The following PTGFRN variants were observed in gnomAD, a reference collection of about 807,000 sequenced individuals.
The protein encoded by PTGFRN is prostaglandin F2 receptor negative regulator.
PTGFRN carries 35 observed loss-of-function variants against 83.2 expected under a neutral mutation model. That is an observed-to-expected ratio of 0.42 (90% CI 0.32 to 0.56). PTGFRN has a LOEUF of 0.56. PTGFRN is among the 20% of genes least tolerant of loss of function. PTGFRN has a pLI of 0.11. For missense variants in PTGFRN, 1,051 were observed against 1,179.5 expected, an observed-to-expected ratio of 0.89 and a Z score of 1.60; for synonymous variants, 519 against 498.6, an observed-to-expected ratio of 1.04 and a Z score of -0.55.
At chr1:116,939,061 A>G (rs1416742650) in intron 1 of PTGFRN, among the ~76,000 whole-genome samples, 1 of 152,220 alleles carries the variant, frequency 6.6e-6, no homozygotes, top group Non-Finnish European at 1.5e-5. Flanking sequence ...TTTGCAGGGT[A>G]CTGCCTCCCT....
chr1:116,963,006 G>A (rs1417617342), intron 5 of PTGFRN, among the ~76,000 whole-genome samples: 1 of 152,134 alleles, frequency 6.6e-6, no homozygotes, highest in African/African-American at 2.4e-5. Context: ...TTCCCAGTCA[G>A]TTTTAATCAC....
intron 1 of PTGFRN, among the ~76,000 whole-genome samples, chr1:116,924,143 A>ATTTT (rs147663868): frequency 1.0e-3 from 116 of 116,120 alleles, no homozygotes; most frequent in African/African-American, 2.5e-3. Context: ...CTGTGCATGT[A>ATTTT]TTTTTTTTTT....
At chr1:116,913,322 T>C (rs566609733) in intron 1 of PTGFRN, among the ~76,000 whole-genome samples, 1 of 152,050 alleles carries the variant, frequency 6.6e-6, no homozygotes, top group South Asian at 2.1e-4. Flanking sequence ...TTCTGGGCTC[T>C]GGGGAAAAGC....
intron 1 of PTGFRN, among the ~76,000 whole-genome samples, chr1:116,914,706 A>G (rs1449174134): frequency 6.6e-6 from 1 of 151,784 alleles, no homozygotes; most frequent in Non-Finnish European, 1.5e-5. Flanking sequence ...GGGGACCGTG[A>G]TCGCACCACT....
At chr1:116,944,648 G>A (rs56209138) in intron 2 of PTGFRN, 31 bp from the exon 3 acceptor site, 338,854 of 1,385,664 alleles carry the variant, frequency 0.24, 43,337 homozygotes, top group East Asian at 0.5. Context: ...CGGTGTGGAC[G>A]GGCTACTGAC....
intron 6 of PTGFRN, among the ~76,000 whole-genome samples, chr1:116,970,238 A>G (rs1650951152): frequency 6.6e-6 from 1 of 152,086 alleles, no homozygotes; most frequent in Admixed American, 6.5e-5. Context: ...TGGGATTTTC[A>G]TAGATGCCCT....
chr1:116,910,624 C>G (rs1372607448), intron 1 of PTGFRN, among the ~76,000 whole-genome samples: 3 of 151,966 alleles, frequency 2.0e-5, no homozygotes, highest in Non-Finnish European at 4.4e-5. Flanking sequence ...GGTCCCGGCC[C>G]GGGTCCTCGG....
At chr1:116,939,923 CAA>C (rs1314840671) in intron 1 of PTGFRN, among the ~76,000 whole-genome samples, 2 of 152,196 alleles carry the variant, frequency 1.3e-5, no homozygotes, top group Admixed American at 6.5e-5. Context: ...TAAAACATAA[CAA>C]GAGTCACCTT....
chr1:116,965,474 G>A (rs1650797760), intron 5 of PTGFRN, among the ~76,000 whole-genome samples: 1 of 151,904 alleles, frequency 6.6e-6, no homozygotes, highest in Non-Finnish European at 1.5e-5. Context: ...TTAGAGGCAC[G>A]GGGTTTTGCT....
rs1165368905 is a variant in PTGFRN at position 116,989,546 on chromosome 1, G to A, written c.*2579G>A. ...GAGAGACCCAGCCGCGTCTCACACA[G>A]GTGGAATTGCACTTCTTAACAAAAA... On this transcript the variant is annotated 3_prime_UTR_variant, in exon 9 of 9. Transcript: ENST00000393203. 1 of 152,542 alleles carries A rather than the reference G, an allele frequency of 6.6e-6. No homozygotes were observed. Among genetic ancestry groups the A allele is most frequent in the Non-Finnish European group, 1.5e-5 (1 of 68,032 alleles). 9.4% of individuals were successfully genotyped at this position (152,542 alleles called of 1,614,324 possible).
Position 116,967,192 on chromosome 1 carries a change from C to T in PTGFRN, c.1921C>T (p.Arg641Ter), listed in dbSNP as rs777222211. Reference sequence around the variant, plus strand: ...AGTGCAGGAGGATGAGTTCCGCTATCGAATGTACCAGACTCAGGTCTCAGA... The same window carrying T: ...AGTGCAGGAGGATGAGTTCCGCTATTGAATGTACCAGACTCAGGTCTCAGA... ...EKVQEDEFRY[R>*]MYQTQVSDAG... Residue 641 changes from arginine (R) to a stop codon, truncating the protein, a stop_gained, in exon 6 of 9, where the codon CGA becomes TGA. Coordinates refer to ENST00000393203, the MANE Select transcript of PTGFRN (RefSeq NM_020440.4). LOFTEE classifies it high-confidence loss of function. 4 of 1,614,150 alleles carry T rather than the reference C, an allele frequency of 2.5e-6. No individual in the cohort carries two copies. The highest frequency in any genetic ancestry group is 1.7e-6 in the Non-Finnish European group (2 of 1,180,042).
chr1:116,971,383 A>G (rs1217461719), intron 6 of PTGFRN, among the ~76,000 whole-genome samples: 5 of 152,158 alleles, frequency 3.3e-5, no homozygotes, highest in Non-Finnish European at 7.3e-5. Flanking sequence ...AGGTTGGAAC[A>G]TGGTTTATGT....
chr1:116,984,476 G>A (rs928540656), intron 7 of PTGFRN, among the ~76,000 whole-genome samples: 1 of 152,172 alleles, frequency 6.6e-6, no homozygotes, highest in Non-Finnish European at 1.5e-5. Context: ...ACATGACCTT[G>A]AGCAGGTATA....
chr1:116,971,709 A>T (rs1376117925), intron 6 of PTGFRN, among the ~76,000 whole-genome samples: 4 of 152,184 alleles, frequency 2.6e-5, no homozygotes, highest in Non-Finnish European at 5.9e-5. Flanking sequence ...GAGCTGCAGC[A>T]CAAATGCTCT....
At chr1:116,926,351 A>T (rs1249088432) in intron 1 of PTGFRN, among the ~76,000 whole-genome samples, 1 of 152,236 alleles carries the variant, frequency 6.6e-6, no homozygotes, top group Non-Finnish European at 1.5e-5. Context: ...GAGGATTGAA[A>T]ATGGCTGAGC....
intron 7 of PTGFRN, among the ~76,000 whole-genome samples, chr1:116,974,967 T>C (rs567947221): frequency 1.3e-5 from 2 of 152,324 alleles, no homozygotes; most frequent in Non-Finnish European, 2.9e-5. Context: ...GGGAATTCCC[T>C]TTCCTAGCCA....
At chr1:116,981,632 C>T (rs890021609) in intron 7 of PTGFRN, among the ~76,000 whole-genome samples, 2 of 152,196 alleles carry the variant, frequency 1.3e-5, no homozygotes, top group African/African-American at 2.4e-5. Context: ...GTTGAATGTT[C>T]AGGTCAGCAA....
chr1:116,984,858 C>A lies in PTGFRN; in HGVS notation c.2346C>A (p.Gly782=). Reference sequence around the variant, plus strand: ...TGGAATTCTTGCTGCAAGTGCATGGCTCCGAGGACCAGGACTTTGGCAACT... The same window carrying A: ...TGGAATTCTTGCTGCAAGTGCATGGATCCGAGGACCAGGACTTTGGCAACT... The part of the protein sequence containing the change: ...SVLEFLLQVH[G]SEDQDFGNYY... The change falls in exon 8 of 9, where the codon GGC becomes GGA. Residue 782 remains glycine, a synonymous_variant. Coordinates refer to ENST00000393203, the MANE Select transcript of PTGFRN (RefSeq NM_020440.4). 1 of 1,614,178 alleles carries A rather than the reference C, an allele frequency of 6.2e-7. No homozygotes were observed. Among genetic ancestry groups the A allele is most frequent in the Non-Finnish European group, 8.5e-7 (1 of 1,180,040 alleles).
At chr1:116,945,783 A>G (rs1276441770) in intron 3 of PTGFRN, among the ~76,000 whole-genome samples, 1 of 150,540 alleles carries the variant, frequency 6.6e-6, no homozygotes, top group Non-Finnish European at 1.5e-5. Flanking sequence ...CTGCAATTAT[A>G]GAAGTAATTA....
Sources: gnomAD v4.1 joint callset for allele counts (sites outside exome capture counted in the v4.1 genomes callset) on GRCh38, gnomAD v4.1.1 for gene constraint, MANE v1.5 for transcripts, NCBI Gene and HGNC (gene_info 2026-07-23, HGNC 2026-07-21) for gene names.